The following TNFRSF1B variants were observed in gnomAD, a reference collection of about 807,000 sequenced individuals.
TNFRSF1B encodes tumor necrosis factor receptor superfamily member 1B.
In TNFRSF1B, 19 loss-of-function variants were observed where a neutral mutation model predicts 44.6. That is an observed-to-expected ratio of 0.43 (90% CI 0.30 to 0.62). The LOEUF (loss-of-function observed/expected upper bound fraction) is 0.62, where lower values mean the gene tolerates loss of function less well. TNFRSF1B is among the 20% of genes least tolerant of loss of function. The pLI is 0.16. For synonymous variants in TNFRSF1B, 252 were observed against 261.1 expected (o/e 0.97, Z 0.34); for missense variants, 541 against 619.9 (o/e 0.87, Z 1.35).
In TNFRSF1B at chr1:12,207,134, C is replaced by A; in HGVS notation, c.*114C>A. 1 of 1,216,868 alleles carries A rather than the reference C, an allele frequency of 8.2e-7. No individual in the cohort carries two copies. Among genetic ancestry groups the A allele is most frequent in the Non-Finnish European group, 1.1e-6 (1 of 907,224 alleles). The allele number at this position is 1,216,868 out of a possible 1,614,324, so 75.4% of individuals were successfully genotyped here. A position where few individuals can be genotyped will look rare whatever the true frequency, so the allele number is the denominator to read the frequency against. ...CACCACTAGGACTCTGAGGCTCTTTCTGGGCCAAGTTCCTCTAGTGCCCTC... is the reference window on the plus strand; with the variant it reads ...CACCACTAGGACTCTGAGGCTCTTTATGGGCCAAGTTCCTCTAGTGCCCTC... On this transcript the variant is annotated 3_prime_UTR_variant, in exon 10 of 10. Coordinates refer to ENST00000376259, the MANE Select transcript of TNFRSF1B (RefSeq NM_001066.3).
rs1039748824 is a variant in TNFRSF1B, at chr1:12,167,143, G to A, written c.52G>A (p.Ala18Thr). The A allele has an allele frequency of 1.5e-6, 2 of 1,333,664 alleles. No homozygotes were observed. Among genetic ancestry groups the A allele is most frequent in the Non-Finnish European group, 1.9e-6 (2 of 1,038,408 alleles). The allele number at this position is 1,333,664 out of a possible 1,614,324, so 82.6% of individuals were successfully genotyped here. A position where few individuals can be genotyped will look rare whatever the true frequency, so the allele number is the denominator to read the frequency against. Reference protein sequence around the residue: ...AALAVGLELWAAAHALPAQVA... With the variant: ...AALAVGLELWTAAHALPAQVA... ...GCTGGCCGTCGGACTGGAGCTCTGG[G>A]CTGCGGCGCACGCCTTGCCCGCCCA... The change falls in exon 1 of 10, where the codon GCT becomes ACT. Residue 18 changes from alanine (A) to threonine (T), a missense_variant. Ala to Thr is a moderately conservative substitution (Grantham distance 58). Coordinates refer to ENST00000376259, the MANE Select transcript of TNFRSF1B (RefSeq NM_001066.3).
Position 12,199,733 on chromosome 1 carries a change from G to A in TNFRSF1B, c.901-2234G>A, listed in dbSNP as rs960233388. Among the ~76,000 whole-genome samples the A allele has an allele frequency of 5.9e-5, 9 of 152,146 alleles. No homozygotes were observed. The highest frequency in any genetic ancestry group is 1.9e-4 in the East Asian group (1 of 5,182). On this transcript the variant is annotated intron_variant, in intron 8 of 9. Coordinates refer to ENST00000376259, the MANE Select transcript of TNFRSF1B (RefSeq NM_001066.3). This position sits in a 1 kb window ranked among gnomAD's most constrained non-coding sequence, Gnocchi z 4.0. ...GGGGGCGGTGGCACCTGCGCTGCTC[G>A]CTCCACCCCTGCTCTCACCTCCCGC...
rs1215677496 is a variant in TNFRSF1B at position 12,169,132 on chromosome 1, T to C, written c.78+1963T>C. ...CAGGAAAGCCTTTCCGCATTCTCAG[T>C]TGGATTTGATCTTCTCTTCGAACTC... On this transcript the variant is annotated intron_variant, in intron 1 of 9. Coordinates refer to ENST00000376259, the MANE Select transcript of TNFRSF1B (RefSeq NM_001066.3). The surrounding 1 kb of genome is among the most constrained non-coding windows in gnomAD (Gnocchi z 4.5). 2.0e-5 allele frequency among the ~76,000 whole-genome samples: 3 copies of C among 152,190 alleles called. No individual in the cohort carries two copies. Among genetic ancestry groups the C allele is most frequent in the African/African-American group, 7.2e-5 (3 of 41,444 alleles).
rs759734542 is a variant in TNFRSF1B at position 12,194,600 on chromosome 1, G to A, written c.882G>A (p.Leu294=). The A allele has an allele frequency of 2.5e-5, 40 of 1,614,056 alleles. No homozygotes were observed. Among genetic ancestry groups the A allele is most frequent in the Admixed American group, 1.0e-4 (6 of 60,006 alleles). Residue 294 remains leucine, a synonymous_variant, in exon 8 of 10, where the codon CTG becomes CTA. Coordinates refer to ENST00000376259, the MANE Select transcript of TNFRSF1B (RefSeq NM_001066.3). The part of the protein sequence containing the change: ...MTQVKKKPLC[L]QREAKVPHLP... Reference sequence around the variant, plus strand: ...TCTTTATAGAGAAGCCCTTGTGCCTGCAGAGAGAAGCCAAGGTGGTGAGTG... The same window carrying A: ...TCTTTATAGAGAAGCCCTTGTGCCTACAGAGAGAAGCCAAGGTGGTGAGTG...
rs544768786 is a variant in TNFRSF1B, at chr1:12,184,345, A to AT, written c.79-4436dup. On this transcript the variant is annotated intron_variant, in intron 1 of 9. Coordinates refer to ENST00000376259, the MANE Select transcript of TNFRSF1B (RefSeq NM_001066.3). Reference sequence around the variant, plus strand: ...TTGTTTAGCCATGACAAGGCTGTGGATTTTTTTTTTTTTTTCTGTCCAAGA... The same window carrying AT: ...TTGTTTAGCCATGACAAGGCTGTGGATTTTTTTTTTTTTTTTCTGTCCAAGA... Among the ~76,000 whole-genome samples the AT allele has an allele frequency of 7.2e-3, 1,004 of 139,600 alleles. 17 individuals are homozygous for AT. The highest frequency in any genetic ancestry group is 0.054 in the South Asian group (238 of 4,410). 91.6% of individuals were successfully genotyped at this position (139,600 alleles called of 152,430 possible).
intron 6 of TNFRSF1B, 88 bp downstream of exon 6, chr1:12,193,186 AG>A (rs1639189426): frequency 3.2e-6 from 4 of 1,247,484 alleles, no homozygotes; most frequent in Non-Finnish European, 2.3e-6. Context: ...TTTTACTGAG[AG>A]CCCACGGGGG....
intron 6 of TNFRSF1B, 65 bp from the exon 7 acceptor site, chr1:12,193,890 T>C: frequency 1.4e-6 from 2 of 1,406,444 alleles, no homozygotes; most frequent in Non-Finnish European, 2.0e-6. Context: ...CTGGCTTGCC[T>C]GGCTGGCCCC....
Position 12,169,871 on chromosome 1 carries a change from C to T in TNFRSF1B, c.78+2702C>T, listed in dbSNP as rs2101073803. On this transcript the variant is annotated intron_variant, in intron 1 of 9. Coordinates refer to ENST00000376259, the MANE Select transcript of TNFRSF1B (RefSeq NM_001066.3). The surrounding 1 kb of genome is among the most constrained non-coding windows in gnomAD (Gnocchi z 4.5). ...GGGTCTCTGCCTGATGGGCCTGGCC[C>T]ACCTACCCCTGGAAGTCTTGGTGCT... 6.6e-6 allele frequency among the ~76,000 whole-genome samples: 1 copy of T among 152,318 alleles called. No homozygotes were observed. The highest frequency in any genetic ancestry group is 2.4e-5 in the African/African-American group (1 of 41,578).
intron 1 of TNFRSF1B, among the ~76,000 whole-genome samples, chr1:12,174,846 G>A (rs1201423927): frequency 2.0e-5 from 3 of 152,258 alleles, no homozygotes; most frequent in African/African-American, 7.2e-5. Context: ...CTCCTTGAGA[G>A]GCCTAGCAGA....
chr1:12,189,265 G>T (rs543805503), intron 2 of TNFRSF1B, among the ~76,000 whole-genome samples: 116 of 152,304 alleles, frequency 7.6e-4, no homozygotes, highest in African/African-American at 2.6e-3. Flanking sequence ...AAAGACAAGT[G>T]CTGCCTCCTT....
rs1470313469 is a variant in TNFRSF1B at position 12,169,932 on chromosome 1, C to T, written c.78+2763C>T. 1.3e-5 allele frequency among the ~76,000 whole-genome samples: 2 copies of T among 152,138 alleles called. No individual in the cohort carries two copies. Among genetic ancestry groups the T allele is most frequent in the African/African-American group, 4.8e-5 (2 of 41,446 alleles). ...TATTTGCCTCCTCATCACCCAGGGC[C>T]TGGGGCCAGTTTGGGTTAGGGGAGA... is the stretch of plus-strand genomic sequence containing the variant. On this transcript the variant is annotated intron_variant, in intron 1 of 9. Coordinates refer to ENST00000376259, the MANE Select transcript of TNFRSF1B (RefSeq NM_001066.3). This position sits in a 1 kb window ranked among gnomAD's most constrained non-coding sequence, Gnocchi z 4.5.
chr1:12,174,928 A>G (rs148388122), intron 1 of TNFRSF1B, among the ~76,000 whole-genome samples: 1 of 152,376 alleles, frequency 6.6e-6, no homozygotes, highest in African/African-American at 2.4e-5. Flanking sequence ...GAGACAGCGC[A>G]GAAATCACCA....
At chr1:12,194,220 G>A (rs1308947710) in intron 7 of TNFRSF1B, among the ~76,000 whole-genome samples, 188 bp downstream of exon 7, 1 of 152,134 alleles carries the variant, frequency 6.6e-6, no homozygotes, top group Non-Finnish European at 1.5e-5. Context: ...AAGGCAAGAG[G>A]TGATCAGGGT....
Position 12,191,819 on chromosome 1 carries a change from G to C in TNFRSF1B, c.353G>C (p.Cys118Ser). ...QACTREQNRI[C>S]TCRPGWYCAL... The stretch of plus-strand genomic sequence containing the variant: ...TGCACTCGGGAACAGAACCGCATCT[G>C]CACCTGCAGGCCCGGCTGGTACTGC... The change falls in exon 4 of 10, where the codon TGC becomes TCC. Residue 118 changes from cysteine (C) to serine (S), a missense_variant. By Grantham distance (112) the Cys-to-Ser change is moderately radical. Transcript: ENST00000376259. The C allele has an allele frequency of 6.2e-7, 1 of 1,613,388 alleles. No individual in the cohort carries two copies. Among genetic ancestry groups the C allele is most frequent in the Non-Finnish European group, 8.5e-7 (1 of 1,179,802 alleles).
intron 2 of TNFRSF1B, 56 bp downstream of exon 2, chr1:12,188,951 C>T (rs2101102210): frequency 3.3e-6 from 5 of 1,535,726 alleles, no homozygotes; most frequent in Non-Finnish European, 4.5e-6. Context: ...CGTGTGTGTA[C>T]AGGGGCTGGG....
Position 12,177,298 on chromosome 1 carries a change from T to C in TNFRSF1B, c.78+10129T>C, listed in dbSNP as rs1177401451. ...CTGGGATTACAGGCGGGAGCCACCG[T>C]GCCCGGCCCCAGTGGACTGATTCTG... On this transcript the variant is annotated intron_variant, in intron 1 of 9. Coordinates refer to ENST00000376259, the MANE Select transcript of TNFRSF1B (RefSeq NM_001066.3). The surrounding 1 kb of genome is among the most constrained non-coding windows in gnomAD (Gnocchi z 4.3). Among the ~76,000 whole-genome samples, 2 of 152,174 alleles carry C rather than the reference T, an allele frequency of 1.3e-5. No homozygotes were observed. Among genetic ancestry groups the C allele is most frequent in the Non-Finnish European group, 2.9e-5 (2 of 68,022 alleles).
At chr1:12,192,581 C>A (rs1639170200) in intron 5 of TNFRSF1B, 57 bp downstream of exon 5, 2 of 1,532,274 alleles carry the variant, frequency 1.3e-6, no homozygotes, top group Admixed American at 3.3e-5. Context: ...CCCTGGGTGA[C>A]TGTGGGTCCA....
rs1003302848 is a variant in TNFRSF1B, at chr1:12,199,026, T to G, written c.901-2941T>G. Among the ~76,000 whole-genome samples, 1 of 152,130 alleles carries G rather than the reference T, an allele frequency of 6.6e-6. No homozygotes were observed. Among genetic ancestry groups the G allele is most frequent in the East Asian group, 1.9e-4 (1 of 5,182 alleles). On this transcript the variant is annotated intron_variant, in intron 8 of 9. Coordinates refer to ENST00000376259, the MANE Select transcript of TNFRSF1B (RefSeq NM_001066.3). The surrounding 1 kb of genome is among the most constrained non-coding windows in gnomAD (Gnocchi z 4.0). Reference sequence around the variant, plus strand: ...CTGTGTTTTGAATGAGGCTCCTCAGTACTCGGCTCTACTGGGGTCCCAGCC... The same window carrying G: ...CTGTGTTTTGAATGAGGCTCCTCAGGACTCGGCTCTACTGGGGTCCCAGCC...
At position 12,183,720 on chromosome 1, in the gene TNFRSF1B, C is replaced by A. The variant is rs147637461; in HGVS notation, c.79-5076C>A. On this transcript the variant is annotated intron_variant, in intron 1 of 9. Transcript: ENST00000376259. ...TCTATCTATCTATCTATTCTATCTA[C>A]CTATCTATCTATCTATCTATCTATC... is the stretch of plus-strand genomic sequence containing the variant. Among the ~76,000 whole-genome samples, 454 of 92,190 alleles carry A rather than the reference C, an allele frequency of 4.9e-3. 4 individuals carry two copies. The highest frequency in any genetic ancestry group is 9.9e-3 in the South Asian group (24 of 2,426). The allele number at this position is 92,190 out of a possible 152,430, so 60.5% of individuals were successfully genotyped here.
Sources: gnomAD v4.1 joint callset for allele counts (sites outside exome capture counted in the v4.1 genomes callset) on GRCh38, gnomAD v4.1.1 for gene constraint, Gnocchi (gnomAD v3.1) non-coding constraint, MANE v1.5 for transcripts, NCBI Gene and HGNC (gene_info 2026-07-23, HGNC 2026-07-21) for gene names.